The following ITGA2 variants were observed in gnomAD, a reference collection of about 807,000 sequenced individuals.
ITGA2 encodes integrin alpha-2.
ITGA2 carries 101 observed loss-of-function variants against 146.3 expected under a neutral mutation model. That is an observed-to-expected ratio of 0.69 (90% CI 0.59 to 0.81). ITGA2 has a LOEUF of 0.81. Ranked by LOEUF, ITGA2 falls within the 40% of genes least tolerant of loss-of-function variation. ITGA2 has a pLI of 0.00. For missense variants in ITGA2, 1,281 were observed against 1,402.7 expected, an observed-to-expected ratio of 0.91 and a Z score of 1.39; for synonymous variants, 477 against 487.1, an observed-to-expected ratio of 0.98 and a Z score of 0.27.
rs762117497 is a variant in ITGA2 at position 53,075,309 on chromosome 5, G to A, written c.2825+5G>A. The A allele has an allele frequency of 1.2e-6, 2 of 1,611,072 alleles. No individual in the cohort carries two copies. The highest frequency in any genetic ancestry group is 1.1e-5 in the South Asian group (1 of 91,024). On this transcript the variant is annotated splice_donor_5th_base_variant and intron_variant, in intron 23 of 29. Coordinates refer to ENST00000296585, the MANE Select transcript of ITGA2 (RefSeq NM_002203.4). ...TGCTGAAATTCACTTAACAAGGTAG[G>A]TGAAGCAGTGGGTAACCTGCTATCA...
chr5:53,023,072 A>G (rs760611093), intron 1 of ITGA2, among the ~76,000 whole-genome samples: 7 of 152,228 alleles, frequency 4.6e-5, no homozygotes, highest in Admixed American at 1.3e-4. Flanking sequence ...CCTTTGTTAA[A>G]TATGTTGAGT....
chr5:53,034,525 A>G (rs993142747), intron 2 of ITGA2, among the ~76,000 whole-genome samples: 12 of 152,132 alleles, frequency 7.9e-5, no homozygotes, highest in African/African-American at 2.9e-4. Context: ...GAATACATAC[A>G]CACCCATTGT....
At chr5:52,998,668 C>T (rs990929178) in intron 1 of ITGA2, among the ~76,000 whole-genome samples, 13 of 152,128 alleles carry the variant, frequency 8.5e-5, no homozygotes, top group Admixed American at 7.2e-4. Flanking sequence ...TTGGACCCTT[C>T]CATAGCAATG....
intron 6 of ITGA2, 50 bp downstream of exon 6, chr5:53,048,820 A>G (rs1030113199): frequency 6.3e-7 from 1 of 1,593,780 alleles, no homozygotes; most frequent in African/African-American, 1.3e-5. Flanking sequence ...TTTCTGAAAA[A>G]AATATTGTTA....
intron 1 of ITGA2, among the ~76,000 whole-genome samples, chr5:53,023,378 A>G (rs750495815): frequency 6.6e-6 from 1 of 152,198 alleles, no homozygotes; most frequent in Non-Finnish European, 1.5e-5. Context: ...CTTGTCCTCC[A>G]AGATCCAGAT....
chr5:53,030,575 G>T (rs1041347128), intron 2 of ITGA2, among the ~76,000 whole-genome samples: 1 of 152,206 alleles, frequency 6.6e-6, no homozygotes, highest in African/African-American at 2.4e-5. Context: ...ACAAAAGTTG[G>T]CCAAGCAAGT....
chr5:53,059,086 G>A (rs550790313), intron 10 of ITGA2, among the ~76,000 whole-genome samples: 7 of 151,790 alleles, frequency 4.6e-5, no homozygotes, highest in South Asian at 4.2e-4. Flanking sequence ...TCTTTGGTAC[G>A]CTCTAAGATA....
rs190387560 is a variant in ITGA2 at position 53,030,007 on chromosome 5, A to C, written c.185+3139A>C. The stretch of plus-strand genomic sequence containing the variant: ...CAGCTTTCCTGGACAGAGTAAATCT[A>C]AGAGCCACCATCAGTAATAGACATT... On this transcript the variant is annotated intron_variant, in intron 2 of 29. Transcript: ENST00000296585. 4.4e-4 allele frequency among the ~76,000 whole-genome samples: 67 copies of C among 152,330 alleles called. 1 individual carries two copies. The South Asian group carries it at 7.1e-3, about 16-fold the overall frequency.
At chr5:53,052,731 A>G (rs1180948543) in intron 7 of ITGA2, among the ~76,000 whole-genome samples, 1 of 152,204 alleles carries the variant, frequency 6.6e-6, no homozygotes, top group Non-Finnish European at 1.5e-5. Flanking sequence ...CCAAGTTGCC[A>G]TGACACCACA....
In ITGA2 at chr5:53,090,008, A is replaced by T. The variant is rs775913123; in HGVS notation, c.3411A>T (p.Gly1137=). ...KAEVPTGVII[G]SIIAGILLLL... Reference sequence around the variant, plus strand: ...AAGTACCAACAGGAGTTATAATAGGAAGTATAATTGCTGGAATCCTTTTGC... The same window carrying T: ...AAGTACCAACAGGAGTTATAATAGGTAGTATAATTGCTGGAATCCTTTTGC... Residue 1137 remains glycine, a synonymous_variant, in exon 29 of 30, where the codon GGA becomes GGT. Coordinates refer to ENST00000296585, the MANE Select transcript of ITGA2 (RefSeq NM_002203.4). 2 of 1,613,602 alleles carry T rather than the reference A, an allele frequency of 1.2e-6. No homozygotes were observed. Among genetic ancestry groups the T allele is most frequent in the South Asian group, 1.1e-5 (1 of 91,088 alleles).
intron 6 of ITGA2, among the ~76,000 whole-genome samples, chr5:53,049,143 C>T (rs1420006272): frequency 6.6e-6 from 1 of 152,060 alleles, no homozygotes; most frequent in East Asian, 1.9e-4. Context: ...TCCCGAGTGG[C>T]TGGTATTACA....
chr5:53,039,957 G>A (rs10041193), intron 2 of ITGA2, among the ~76,000 whole-genome samples: 1 of 151,828 alleles, frequency 6.6e-6, no homozygotes, highest in Admixed American at 6.6e-5. Context: ...GAGGGATTTA[G>A]TCAGTAGGAA....
intron 9 of ITGA2, among the ~76,000 whole-genome samples, chr5:53,056,413 C>G (rs1004978258): frequency 6.6e-6 from 1 of 151,810 alleles, no homozygotes; most frequent in Admixed American, 6.6e-5. Flanking sequence ...ATAAATTAAA[C>G]CGACAATATG....
At chr5:53,065,806 T>A (rs1448336629) in intron 14 of ITGA2, 35 bp from the exon 15 acceptor site, 1 of 1,611,268 alleles carries the variant, frequency 6.2e-7, no homozygotes. Context: ...TCAGCTGTTG[T>A]GTACTATAAT....
At chr5:53,026,936 G>A in intron 2 of ITGA2, 68 bp downstream of exon 2, 2 of 1,423,380 alleles carry the variant, frequency 1.4e-6, no homozygotes, top group Non-Finnish European at 2.0e-6. Flanking sequence ...GACTTCAATT[G>A]CTTTTTCAAA....
At chr5:53,051,670 T>G in intron 7 of ITGA2, 111 bp downstream of exon 7, 39 of 1,042,692 alleles carry the variant, frequency 3.7e-5, no homozygotes, top group Middle Eastern at 2.5e-4. Context: ...ACCTGGTACC[T>G]AATTTAAATC....
intron 21 of ITGA2, among the ~76,000 whole-genome samples, 177 bp from the exon 22 acceptor site, chr5:53,074,884 G>A (rs1298627781): frequency 1.3e-5 from 2 of 151,940 alleles, no homozygotes; most frequent in Admixed American, 6.6e-5. Flanking sequence ...ATTCTAATGT[G>A]AGGCATAGTA....
intron 1 of ITGA2, among the ~76,000 whole-genome samples, chr5:52,995,825 G>A (rs1741215356): frequency 6.6e-6 from 1 of 152,206 alleles, no homozygotes; most frequent in African/African-American, 2.4e-5. Flanking sequence ...ACTAGAAGAG[G>A]GCTTTGGCCA....
intron 2 of ITGA2, among the ~76,000 whole-genome samples, chr5:53,035,222 C>T (rs1353388105): frequency 6.6e-6 from 1 of 152,128 alleles, no homozygotes; most frequent in African/African-American, 2.4e-5. Context: ...CCTCCAATAG[C>T]CAAGAACAGG....
Sources: gnomAD v4.1 joint callset for allele counts (sites outside exome capture counted in the v4.1 genomes callset) on GRCh38, gnomAD v4.1.1 for gene constraint, MANE v1.5 for transcripts, NCBI Gene and HGNC (gene_info 2026-07-23, HGNC 2026-07-21) for gene names.